The following VIRMA variants were observed in gnomAD, a reference collection of about 807,000 sequenced individuals.
VIRMA encodes the protein protein virilizer homolog.
In VIRMA, 65 loss-of-function variants were observed where a neutral mutation model predicts 182.4. That is an observed-to-expected ratio of 0.36 (90% confidence interval 0.29 to 0.44). VIRMA has a LOEUF of 0.44. Among genes scored for constraint, VIRMA ranks in the 20% least tolerant of loss-of-function variants. The pLI, the probability that VIRMA is intolerant of heterozygous loss-of-function variation, is 1.00. For missense variants in VIRMA, 1,752 were observed against 2,158.1 expected (o/e 0.81, Z 3.73); for synonymous variants, 709 against 743.1 (o/e 0.95, Z 0.75).
intron 1 of VIRMA, among the ~76,000 whole-genome samples, chr8:94,551,619 G>A (rs1815989951): frequency 6.6e-6 from 1 of 152,186 alleles, no homozygotes; most frequent in South Asian, 2.1e-4. Flanking sequence ...GTTTACCTAA[G>A]AATGAATAAA....
Position 94,511,188 on chromosome 8 carries a change from AGTT to A in VIRMA, c.3384_3386del (p.Thr1129del). On this transcript the variant is annotated inframe_deletion, in exon 13 of 24. Coordinates refer to ENST00000297591, the MANE Select transcript of VIRMA (RefSeq NM_015496.5). ...GCATGTTATATGGAAGTGATACCTGAGTTGTTTGCATGGGCAATGGAAGAGGCA... is the reference window on the plus strand; with the variant it reads ...GCATGTTATATGGAAGTGATACCTGAGTTTGCATGGGCAATGGAAGAGGCA... 1.2e-6 allele frequency: 2 copies of A among 1,613,204 alleles called. No homozygotes were observed. The highest frequency in any genetic ancestry group is 1.7e-6 in the Non-Finnish European group (2 of 1,179,844).
chr8:94,522,845 A>C (rs1305672783), intron 8 of VIRMA, among the ~76,000 whole-genome samples: 4 of 152,222 alleles, frequency 2.6e-5, no homozygotes, highest in African/African-American at 9.7e-5. Flanking sequence ...AAATCTGAGA[A>C]TATTACTCTG....
At chr8:94,490,664 T>A (rs1233865817) in intron 22 of VIRMA, among the ~76,000 whole-genome samples, 1 of 151,592 alleles carries the variant, frequency 6.6e-6, no homozygotes, top group African/African-American at 2.4e-5. Context: ...CCGGCCAACA[T>A]GGTGAGACCC....
chr8:94,535,879 A>G (rs1815324988), intron 4 of VIRMA, among the ~76,000 whole-genome samples: 1 of 152,228 alleles, frequency 6.6e-6, no homozygotes. Context: ...TGCCAATGCC[A>G]TTAACCCTCA....
chr8:94,493,296 TA>T (rs1360171631), intron 20 of VIRMA, among the ~76,000 whole-genome samples: 2 of 152,230 alleles, frequency 1.3e-5, no homozygotes, highest in East Asian at 3.8e-4. Context: ...TCAGTTTACT[TA>T]GGTTTTATTC....
At chr8:94,516,089 G>A (rs1280911332) in intron 10 of VIRMA, among the ~76,000 whole-genome samples, 1 of 152,000 alleles carries the variant, frequency 6.6e-6, no homozygotes, top group Non-Finnish European at 1.5e-5. Flanking sequence ...GCCTGGAGAC[G>A]GTGCGAGACT....
intron 2 of VIRMA, 104 bp from the exon 3 acceptor site, chr8:94,538,450 G>A: frequency 1.5e-6 from 1 of 674,330 alleles, no homozygotes; most frequent in Non-Finnish European, 2.6e-6. Flanking sequence ...TCTAGAATTA[G>A]AATATGATGT....
chr8:94,530,826 C>T, intron 6 of VIRMA, 137 bp downstream of exon 6: 1 of 775,700 alleles, frequency 1.3e-6, no homozygotes, highest in Non-Finnish European at 1.9e-6. Context: ...GTGAGAGGAT[C>T]ACTTAAGCCC....
At chr8:94,502,977 A>G (rs1288901033) in intron 16 of VIRMA, among the ~76,000 whole-genome samples, 1 of 152,192 alleles carries the variant, frequency 6.6e-6, no homozygotes, top group East Asian at 1.9e-4. Context: ...ATTGAATTAT[A>G]TACAATGAAA....
chr8:94,508,583 A>G (rs1814248025), intron 15 of VIRMA, among the ~76,000 whole-genome samples: 1 of 152,128 alleles, frequency 6.6e-6, no homozygotes, highest in Non-Finnish European at 1.5e-5. Context: ...TATTCAATGT[A>G]GTCATGCAAC....
At chr8:94,541,841 CCTCA>C (rs148739532) in intron 2 of VIRMA, among the ~76,000 whole-genome samples, 6,069 of 152,138 alleles carry the variant, frequency 0.04, 131 homozygotes, top group Non-Finnish European at 0.05. Flanking sequence ...CGTGCCTGGC[CCTCA>C]CTCTTACATT....
At chr8:94,495,526 C>T (rs1285642317) in intron 19 of VIRMA, among the ~76,000 whole-genome samples, 1 of 145,182 alleles carries the variant, frequency 6.9e-6, no homozygotes, top group Non-Finnish European at 1.5e-5. Flanking sequence ...TGTTTCTGTA[C>T]AGCCTGCAAG....
chr8:94,509,197 TCAAGA>T (rs1267587089), intron 15 of VIRMA, among the ~76,000 whole-genome samples: 9 of 151,970 alleles, frequency 5.9e-5, no homozygotes, highest in African/African-American at 2.2e-4. Context: ...GGTCAGGAGT[TCAAGA>T]CCAGCCTGAC....
At chr8:94,495,933 C>A (rs1274536195) in intron 18 of VIRMA, 42 bp from the exon 19 acceptor site, 7 of 1,572,580 alleles carry the variant, frequency 4.5e-6, no homozygotes, top group Non-Finnish European at 6.1e-6. Flanking sequence ...GCAGGTAAAA[C>A]TTATGTCTGT....
At chr8:94,508,377 C>T (rs923055946) in intron 15 of VIRMA, among the ~76,000 whole-genome samples, 1 of 152,122 alleles carries the variant, frequency 6.6e-6, no homozygotes, top group Non-Finnish European at 1.5e-5. Flanking sequence ...AGCTACCATG[C>T]CCGGCCAGAA....
Position 94,512,020 on chromosome 8 carries a change from C to A in VIRMA, c.2821G>T (p.Ala941Ser). 6.5e-7 allele frequency: 1 copy of A among 1,530,194 alleles called. No individual in the cohort carries two copies. The highest frequency in any genetic ancestry group is 8.8e-7 in the Non-Finnish European group (1 of 1,137,420). The allele number at this position is 1,530,194 out of a possible 1,614,324, so 94.8% of individuals were successfully genotyped here. A position where few individuals can be genotyped will look rare whatever the true frequency, so the allele number is the denominator to read the frequency against. Residue 941 changes from alanine (A) to serine (S), a missense_variant, in exon 12 of 24, where the codon GCA (alanine) becomes TCA (serine). Physicochemically the swap from Ala to Ser is moderately conservative, Grantham distance 99 (BLOSUM62 1). Transcript: ENST00000297591. ...TTALRVLCNV[A>S]CPPPPVEGQQ... ...CCTTCAACAGGAGGTGGTGGGCATG[C>A]AACATTACAGAGAACACGTAAGGCA...
At chr8:94,531,702 C>G (rs1322648608) in intron 5 of VIRMA, among the ~76,000 whole-genome samples, 1 of 152,106 alleles carries the variant, frequency 6.6e-6, no homozygotes, top group East Asian at 1.9e-4. Flanking sequence ...TGGGCATAAT[C>G]CCAGAGAATG....
At chr8:94,537,955 G>C (rs1451654300) in intron 3 of VIRMA, among the ~76,000 whole-genome samples, 2 of 152,136 alleles carry the variant, frequency 1.3e-5, no homozygotes, top group East Asian at 3.8e-4. Context: ...TATAATTTAA[G>C]AATCAAAGAT....
chr8:94,502,596 A>C (rs1005888585), intron 16 of VIRMA, among the ~76,000 whole-genome samples: 1 of 152,122 alleles, frequency 6.6e-6, no homozygotes, highest in African/African-American at 2.4e-5. Context: ...GACACACCAA[A>C]ATCAGTGACA....
Sources: allele counts gnomAD v4.1 joint callset (sites outside exome capture counted in the v4.1 genomes callset), GRCh38; gene constraint gnomAD v4.1.1; transcripts MANE v1.5; gene names NCBI Gene and HGNC (gene_info 2026-07-23, HGNC 2026-07-21).